Variants in AMMECR1 observed in about 807,000 individuals in gnomAD.
AMMECR1 encodes nuclear protein AMMECR1.
In AMMECR1, 3 loss-of-function variants were observed where a neutral mutation model predicts 22.5. That is an observed-to-expected ratio of 0.13 (90% CI 0.06 to 0.35). AMMECR1 has a LOEUF of 0.35. Among genes scored for constraint, AMMECR1 ranks in the 10% least tolerant of loss-of-function variants. AMMECR1 has a pLI of 1.00. For synonymous variants in AMMECR1, 130 were observed against 116.7 expected, an observed-to-expected ratio of 1.11 and a Z score of -0.74; for missense variants, 235 against 278.7, an observed-to-expected ratio of 0.84 and a Z score of 1.12.
chrX:110,386,725 T>TA (rs761779413), intron 2 of AMMECR1, among the ~76,000 whole-genome samples: 138 of 112,165 alleles, frequency 1.2e-3, no homozygotes, highest in African/African-American at 4.3e-3. Flanking sequence ...GAATGAGATC[T>TA]AAAATCACCT....
At chrX:110,278,596 C>G (rs2067837497) in intron 1 of AMMECR1, among the ~76,000 whole-genome samples, 1 of 111,959 alleles carries the variant, frequency 8.9e-6, no homozygotes, top group African/African-American at 3.2e-5. Flanking sequence ...ACAAATGAAA[C>G]AGAAGCTAAA....
chrX:110,238,312 A>G (rs934883327), intron 2 of AMMECR1, among the ~76,000 whole-genome samples: 7 of 112,644 alleles, frequency 6.2e-5, no homozygotes, highest in Non-Finnish European at 1.3e-4. Context: ...CCTCACCTAC[A>G]GTCTTTGTCA....
intron 2 of AMMECR1, among the ~76,000 whole-genome samples, chrX:110,347,954 G>A (rs1439158032): frequency 8.9e-6 from 1 of 112,410 alleles, no homozygotes; most frequent in South Asian, 3.7e-4. Context: ...GTAGCACACA[G>A]ACAGTTTGGA....
chrX:110,221,266 G>C (rs1033878193), intron 2 of AMMECR1, among the ~76,000 whole-genome samples: 10 of 111,783 alleles, frequency 8.9e-5, no homozygotes, highest in African/African-American at 2.9e-4. Context: ...TTCCCTGCTA[G>C]AGCTTCTGGA....
chrX:110,332,821 G>A (rs2068125675), intron 2 of AMMECR1, among the ~76,000 whole-genome samples: 1 of 111,535 alleles, frequency 9.0e-6, no homozygotes, highest in African/African-American at 3.3e-5. Context: ...CATAGAAGTT[G>A]AGCTTCTCCG....
chrX:110,278,663 A>G (rs2067837824), intron 1 of AMMECR1, among the ~76,000 whole-genome samples: 1 of 111,826 alleles, frequency 8.9e-6, no homozygotes, highest in Non-Finnish European at 1.9e-5. Context: ...ACCAATAAGC[A>G]CCAGTACAAC....
At chrX:110,233,708 T>G (rs758766882) in intron 2 of AMMECR1, among the ~76,000 whole-genome samples, 1 of 112,363 alleles carries the variant, frequency 8.9e-6, no homozygotes, top group South Asian at 3.7e-4. Context: ...ATCCATTACA[T>G]AAACAGAACC....
intron 2 of AMMECR1, among the ~76,000 whole-genome samples, chrX:110,405,012 A>G (rs2068589000): frequency 9.1e-6 from 1 of 110,030 alleles, no homozygotes; most frequent in Non-Finnish European, 1.9e-5. Context: ...TGGAAACTAT[A>G]CATACTGTGA....
intron 2 of AMMECR1, among the ~76,000 whole-genome samples, chrX:110,350,911 T>C (rs1165582036): frequency 9.0e-6 from 1 of 111,126 alleles, no homozygotes; most frequent in Non-Finnish European, 1.9e-5. Context: ...CAGTTGAGAC[T>C]GCAGTGAGTC....
chrX:110,383,034 C>T (rs759347682), intron 2 of AMMECR1, among the ~76,000 whole-genome samples: 25 of 111,904 alleles, frequency 2.2e-4, no homozygotes, highest in African/African-American at 7.8e-4. Context: ...GATGAAGAGA[C>T]GACTAAGGAG....
chrX:110,376,256 T>C (rs886623275), intron 2 of AMMECR1, among the ~76,000 whole-genome samples: 1 of 111,224 alleles, frequency 9.0e-6, no homozygotes, highest in African/African-American at 3.3e-5. Flanking sequence ...TTCTCATCAC[T>C]AGAAGCAGGA....
intron 2 of AMMECR1, among the ~76,000 whole-genome samples, chrX:110,325,393 C>T (rs937995219): frequency 8.9e-6 from 1 of 111,904 alleles, no homozygotes; most frequent in African/African-American, 3.2e-5. Context: ...TTCATTCCAT[C>T]TATATTTTTA....
chrX:110,198,575 T>A lies in AMMECR1; in HGVS notation c.947A>T (p.His316Leu). The A allele has an allele frequency of 8.3e-7, 1 of 1,203,112 alleles. No homozygotes were observed. The highest frequency in any genetic ancestry group is 1.1e-6 in the Non-Finnish European group (1 of 891,217). ...ATGCCCAATGCCATTTTGGAAATGATGATGCTGGCGATGAGCAAGGTATTC... is the reference window on the plus strand; with the variant it reads ...ATGCCCAATGCCATTTTGGAAATGAAGATGCTGGCGATGAGCAAGGTATTC... ...YAEYLAHRQH[H>L]HFQNGIGHPL... Residue 316 changes from histidine to leucine, a missense_variant, in exon 6 of 6, where the codon CAT (histidine) becomes CTT (leucine). Transcript: ENST00000262844.
At chrX:110,218,615 C>T (rs1162437955) in intron 2 of AMMECR1, among the ~76,000 whole-genome samples, 1 of 100,457 alleles carries the variant, frequency 1.0e-5, no homozygotes, top group Non-Finnish European at 2.0e-5. Flanking sequence ...AATACAGTCA[C>T]TAATGTTTTT....
chrX:110,281,484 T>C (rs772622000), intron 1 of AMMECR1, among the ~76,000 whole-genome samples: 1 of 112,457 alleles, frequency 8.9e-6, no homozygotes, highest in South Asian at 3.7e-4. Context: ...AAAGGATAAA[T>C]GACAAATACA....
chrX:110,419,588 C>T (rs1479286758), intron 2 of AMMECR1, among the ~76,000 whole-genome samples: 1 of 112,607 alleles, frequency 8.9e-6, no homozygotes, highest in Non-Finnish European at 1.9e-5. Flanking sequence ...AGCAATGTGT[C>T]CCTCTCCTCT....
intron 1 of AMMECR1, among the ~76,000 whole-genome samples, chrX:110,286,861 G>A (rs1019687059): frequency 1.8e-5 from 2 of 110,723 alleles, no homozygotes; most frequent in South Asian, 7.8e-4. Flanking sequence ...ACCAGTTCAA[G>A]GGTCCTTTTG....
At chrX:110,382,526 G>A (rs1020514718) in intron 2 of AMMECR1, among the ~76,000 whole-genome samples, 1 of 110,745 alleles carries the variant, frequency 9.0e-6, no homozygotes, top group Non-Finnish European at 1.9e-5. Context: ...GGAAGGAAGG[G>A]TGTAACTCAT....
At chrX:110,292,144 A>G (rs1376775799) in intron 1 of AMMECR1, among the ~76,000 whole-genome samples, 3 of 112,271 alleles carry the variant, frequency 2.7e-5, no homozygotes, top group African/African-American at 9.7e-5. Context: ...GTGAGCCTGT[A>G]ATTATTTCAA....
Sources: allele counts gnomAD v4.1 joint callset (sites outside exome capture counted in the v4.1 genomes callset), GRCh38; gene constraint gnomAD v4.1.1; transcripts MANE v1.5; gene names NCBI Gene and HGNC (gene_info 2026-07-23, HGNC 2026-07-21).